PLCG2: variants seen among roughly 807,000 people sequenced by gnomAD.
PLCG2 encodes 1-phosphatidylinositol 4,5-bisphosphate phosphodiesterase gamma-2.
A neutral mutation model predicts 175.6 loss-of-function variants in PLCG2; 69 were observed. The observed-to-expected ratio is 0.39, with a 90% CI of 0.32 to 0.48. The LOEUF (loss-of-function observed/expected upper bound fraction) is 0.48, where lower values mean the gene tolerates loss of function less well. Ranked by LOEUF, PLCG2 falls within the 20% of genes least tolerant of loss-of-function variation. The probability of loss-of-function intolerance (pLI) is 0.91; values close to 1 mark genes in which losing one functional copy is unlikely to be tolerated. For missense variants in PLCG2, 1,798 were observed against 1,650.9 expected (o/e 1.09, Z -1.54); for synonymous variants, 827 against 624.0 (o/e 1.33, Z -4.85).
intron 1 of PLCG2, among the ~76,000 whole-genome samples, chr16:81,743,044 TAGTCCC>T (rs1261481825): frequency 6.6e-6 from 1 of 152,198 alleles, no homozygotes; most frequent in Non-Finnish European, 1.5e-5. Flanking sequence ...CTCATGCCTG[TAGTCCC>T]AGCACTTTGG....
intron 28 of PLCG2, chr16:81,938,600 C>G: frequency 5.2e-6 from 3 of 576,726 alleles, no homozygotes; most frequent in Non-Finnish European, 9.3e-6. Flanking sequence ...GAGACCCAGG[C>G]TGATGCTGAG....
chr16:81,816,651 A>ACTT (rs1555509092), intron 2 of PLCG2, among the ~76,000 whole-genome samples: 57,415 of 108,274 alleles, frequency 0.53, 21,279 homozygotes, highest in East Asian at 0.76. Flanking sequence ...GCTAATTTTA[A>ACTT]TTTTTTTTTT....
At chr16:81,900,591 C>T in intron 13 of PLCG2, 21 bp from the exon 14 acceptor site, 1 of 1,577,342 alleles carries the variant, frequency 6.3e-7, no homozygotes, top group Non-Finnish European at 8.7e-7. Flanking sequence ...TGCCGAGCTG[C>T]CCACCCTCTT....
At chr16:81,910,382 C>A (rs944554439) in intron 17 of PLCG2, 138 bp from the exon 18 acceptor site, 11 of 741,140 alleles carry the variant, frequency 1.5e-5, no homozygotes, top group Non-Finnish European at 2.5e-5. Flanking sequence ...TGAGCCACTG[C>A]GCCCAGCCTC....
chr16:81,908,408 C>A lies in PLCG2; in HGVS notation c.1558-8C>A, dbSNP rs371117206. On this transcript the variant is annotated splice_region_variant and splice_polypyrimidine_tract_variant and intron_variant, in intron 16 of 32. Transcript: ENST00000564138. ...CTTTCAGAAACCCCTCCTCTCTTTG[C>A]GGCCCAGGATATACCCCCTACAGAA... 1 of 1,610,786 alleles carries A rather than the reference C, an allele frequency of 6.2e-7. No homozygotes were observed. The highest frequency in any genetic ancestry group is 1.3e-5 in the African/African-American group (1 of 74,938).
intron 5 of PLCG2, among the ~76,000 whole-genome samples, chr16:81,860,158 T>C (rs1363460383): frequency 1.0e-5 from 1 of 99,040 alleles, no homozygotes; most frequent in Non-Finnish European, 2.3e-5. Flanking sequence ...ATTATTATTA[T>C]TATTATTATT....
intron 31 of PLCG2, among the ~76,000 whole-genome samples, chr16:81,953,762 G>A (rs1911459156): frequency 6.6e-6 from 1 of 152,050 alleles, no homozygotes; most frequent in Non-Finnish European, 1.5e-5. Flanking sequence ...GTTCTTTTCT[G>A]AATGTGCATT....
At chr16:81,791,457 C>G (rs761457531) in intron 2 of PLCG2, among the ~76,000 whole-genome samples, 7 of 152,160 alleles carry the variant, frequency 4.6e-5, no homozygotes, top group Non-Finnish European at 7.3e-5. Context: ...CTCTTTGTAG[C>G]CTGGACTGAG....
intron 9 of PLCG2, among the ~76,000 whole-genome samples, chr16:81,887,341 G>C (rs1363862461): frequency 1.3e-5 from 2 of 152,000 alleles, no homozygotes; most frequent in African/African-American, 2.4e-5. Context: ...GGATGGTCTC[G>C]ATCTCCTGAC....
intron 26 of PLCG2, 134 bp from the exon 27 acceptor site, chr16:81,936,035 A>T (rs1597143426): frequency 4.1e-6 from 6 of 1,464,348 alleles, no homozygotes; most frequent in African/African-American, 1.4e-5. Context: ...CAATATCATC[A>T]GAACCCCTTG....
intron 31 of PLCG2, among the ~76,000 whole-genome samples, chr16:81,952,033 G>C (rs1911386292): frequency 6.6e-6 from 1 of 151,976 alleles, no homozygotes. Flanking sequence ...ACAGAAATGT[G>C]GTGTGGGAGG....
At chr16:81,849,145 A>T (rs1215325160) in intron 2 of PLCG2, among the ~76,000 whole-genome samples, 2 of 152,146 alleles carry the variant, frequency 1.3e-5, no homozygotes, top group Non-Finnish European at 1.5e-5. Context: ...TCCTTACAGC[A>T]ATGGGACGTC....
intron 18 of PLCG2, among the ~76,000 whole-genome samples, chr16:81,911,420 G>T (rs921342250): frequency 6.6e-6 from 1 of 152,098 alleles, no homozygotes; most frequent in Non-Finnish European, 1.5e-5. Context: ...TTTCAGGTTT[G>T]GGCTGCTTGG....
chr16:81,875,444 G>A (rs888051913), intron 7 of PLCG2, among the ~76,000 whole-genome samples: 2 of 152,108 alleles, frequency 1.3e-5, no homozygotes, highest in East Asian at 1.9e-4. Flanking sequence ...CAACTTTGAC[G>A]CATAGCCATG....
At chr16:81,763,714 C>T (rs111975685) in intron 2 of PLCG2, among the ~76,000 whole-genome samples, 2 of 152,192 alleles carry the variant, frequency 1.3e-5, no homozygotes, top group African/African-American at 4.8e-5. Flanking sequence ...TGCCTGTAAT[C>T]CCAGCACTTT....
intron 2 of PLCG2, among the ~76,000 whole-genome samples, chr16:81,845,778 C>T (rs911771583): frequency 3.3e-5 from 5 of 152,126 alleles, no homozygotes; most frequent in African/African-American, 1.2e-4. Flanking sequence ...GTGGAGATGT[C>T]AACAAAAATG....
At chr16:81,752,717 A>G (rs1004101865) in intron 1 of PLCG2, among the ~76,000 whole-genome samples, 2 of 152,234 alleles carry the variant, frequency 1.3e-5, no homozygotes, top group African/African-American at 4.8e-5. Context: ...ACGTGACTGT[A>G]GACGAGGCCC....
chr16:81,871,300 C>G (rs1907502808), intron 7 of PLCG2, among the ~76,000 whole-genome samples: 2 of 152,162 alleles, frequency 1.3e-5, no homozygotes, highest in African/African-American at 2.4e-5. Context: ...ATAGCCATCT[C>G]CAGATTGAGG....
At chr16:81,912,888 C>G (rs559160962) in intron 19 of PLCG2, among the ~76,000 whole-genome samples, 172 bp downstream of exon 19, 42 of 152,372 alleles carry the variant, frequency 2.8e-4, no homozygotes, top group African/African-American at 9.6e-4. Context: ...TGCGCTCCTG[C>G]GTGCCAGGCA....
Sources: gnomAD v4.1 joint callset for allele counts (sites outside exome capture counted in the v4.1 genomes callset) on GRCh38, gnomAD v4.1.1 for gene constraint, MANE v1.5 for transcripts, NCBI Gene and HGNC (gene_info 2026-07-23, HGNC 2026-07-21) for gene names.